The following FARS2 variants were observed in gnomAD, a reference collection of about 807,000 sequenced individuals.
The protein encoded by FARS2 is phenylalanine--tRNA ligase, mitochondrial.
A neutral mutation model predicts 46.4 loss-of-function variants in FARS2; 40 were observed. That is an observed-to-expected ratio of 0.86 (90% CI 0.67 to 1.12). FARS2 has a LOEUF of 1.12. Ranked by LOEUF, FARS2 falls within the 50% of genes most tolerant of loss-of-function variation. FARS2 has a pLI of 0.00. For missense variants in FARS2, 513 were observed against 567.9 expected (o/e 0.90, Z 0.98); for synonymous variants, 234 against 214.9 (o/e 1.09, Z -0.78).
intron 4 of FARS2, among the ~76,000 whole-genome samples, chr6:5,445,318 T>G (rs1461893212): frequency 6.6e-6 from 1 of 152,230 alleles, no homozygotes; most frequent in Non-Finnish European, 1.5e-5. Flanking sequence ...GTGGCTCAGT[T>G]TTATTTTCTC....
At chr6:5,450,202 G>A (rs749906415) in intron 4 of FARS2, among the ~76,000 whole-genome samples, 4 of 152,136 alleles carry the variant, frequency 2.6e-5, no homozygotes, top group Non-Finnish European at 5.9e-5. Context: ...AGGTAAATGT[G>A]TAATGTCAGT....
intron 6 of FARS2, among the ~76,000 whole-genome samples, chr6:5,733,180 T>C (rs1292899929): frequency 6.6e-6 from 1 of 152,238 alleles, no homozygotes; most frequent in East Asian, 1.9e-4. Flanking sequence ...GAGAAGCAAT[T>C]GCTGTATAGA....
chr6:5,752,164 C>T (rs182108636), intron 6 of FARS2, among the ~76,000 whole-genome samples: 24 of 152,324 alleles, frequency 1.6e-4, no homozygotes, highest in East Asian at 9.6e-4. Flanking sequence ...GGGTGTCCAG[C>T]GCTCTGTTTC....
chr6:5,428,408 T>C (rs1024083767), intron 3 of FARS2, among the ~76,000 whole-genome samples: 1 of 152,222 alleles, frequency 6.6e-6, no homozygotes, highest in Admixed American at 6.5e-5. Context: ...ATAAAATTAA[T>C]TATATTTAAT....
At chr6:5,254,129 A>T in the FARS2 span, among the ~76,000 whole-genome samples, 2 of 152,168 alleles carry the variant, frequency 1.3e-5, no homozygotes, top group Non-Finnish European at 2.9e-5. Flanking sequence ...TGCACTGAAA[A>T]CGGCAATGCC....
intron 5 of FARS2, among the ~76,000 whole-genome samples, chr6:5,549,558 C>G (rs1771249291): frequency 6.6e-6 from 1 of 152,164 alleles, no homozygotes; most frequent in Non-Finnish European, 1.5e-5. Flanking sequence ...ATTGCCTTCT[C>G]TTTGACCTTT....
intron 2 of FARS2, among the ~76,000 whole-genome samples, chr6:5,375,080 T>C (rs1759292960): frequency 6.6e-6 from 1 of 152,022 alleles, no homozygotes; most frequent in Non-Finnish European, 1.5e-5. Flanking sequence ...TTCTAGCTTA[T>C]GCAGTAAGCC....
chr6:5,608,213 G>A (rs757967102), intron 5 of FARS2, among the ~76,000 whole-genome samples: 11 of 152,122 alleles, frequency 7.2e-5, no homozygotes, highest in Non-Finnish European at 1.3e-4. Flanking sequence ...GAGTGTTACA[G>A]GAGTGTTTAC....
intron 5 of FARS2, among the ~76,000 whole-genome samples, chr6:5,558,787 G>A (rs1228222558): frequency 1.3e-5 from 2 of 151,830 alleles, no homozygotes; most frequent in African/African-American, 2.4e-5. Context: ...TCCTGACCTC[G>A]TGATCCACCC....
At chr6:5,632,913 T>C (rs1187113494) in intron 6 of FARS2, among the ~76,000 whole-genome samples, 1 of 151,510 alleles carries the variant, frequency 6.6e-6, no homozygotes, top group East Asian at 2.0e-4. Flanking sequence ...CATTGCCTCC[T>C]AACCTCTCGA....
At chr6:5,284,119 T>C (rs1766949010) in intron 1 of FARS2, among the ~76,000 whole-genome samples, 1 of 152,246 alleles carries the variant, frequency 6.6e-6, no homozygotes, top group South Asian at 2.1e-4. Flanking sequence ...AATTGTCATT[T>C]CAATTTGCAT....
intron 1 of FARS2, among the ~76,000 whole-genome samples, chr6:5,345,729 A>G (rs1757187445): frequency 6.6e-6 from 1 of 152,170 alleles, no homozygotes; most frequent in South Asian, 2.1e-4. Context: ...CCTTTCCACC[A>G]TTCTCCCATT....
In FARS2 at chr6:5,341,032, C is replaced by T. The variant is rs9504380; in HGVS notation, c.-21-27518C>T. Among the ~76,000 whole-genome samples the T allele has an allele frequency of 9.4e-4, 142 of 150,634 alleles. 1 individual carries two copies. Among genetic ancestry groups the T allele is most frequent in the African/African-American group, 3.3e-3 (137 of 41,062 alleles). ...GCATGGTGACGTGCGCCTGTAATCC[C>T]AGCTACTCAGGAGGCTGAGGCAGGA... On this transcript the variant is annotated intron_variant, in intron 1 of 6. Transcript: ENST00000274680.
intron 4 of FARS2, among the ~76,000 whole-genome samples, chr6:5,447,880 G>T (rs183221): frequency 0.85 from 129,657 of 152,236 alleles, 55,421 homozygotes; most frequent in East Asian, 0.96. Flanking sequence ...AGCAGATATG[G>T]TATCAGGCTT....
chr6:5,283,322 G>A (rs1766870849), intron 1 of FARS2, among the ~76,000 whole-genome samples: 1 of 147,936 alleles, frequency 6.8e-6, no homozygotes, highest in African/African-American at 2.5e-5. Context: ...GCAGTGAGCT[G>A]AGATTGTGCC....
intron 6 of FARS2, among the ~76,000 whole-genome samples, chr6:5,645,539 T>C (rs966265159): frequency 1.3e-5 from 2 of 152,192 alleles, no homozygotes; most frequent in Non-Finnish European, 2.9e-5. Flanking sequence ...AGAGCAGATG[T>C]GCCTTTTGTT....
intron 5 of FARS2, among the ~76,000 whole-genome samples, chr6:5,576,326 A>G (rs1772960627): frequency 6.6e-6 from 1 of 152,006 alleles, no homozygotes; most frequent in South Asian, 2.1e-4. Flanking sequence ...CAGCATGGCT[A>G]TAATATAAAG....
At chr6:5,710,750 C>T (rs1397342788) in intron 6 of FARS2, among the ~76,000 whole-genome samples, 3 of 152,190 alleles carry the variant, frequency 2.0e-5, no homozygotes, top group Admixed American at 6.5e-5. Flanking sequence ...CCCTGGTCCT[C>T]GGCTGGGCAC....
intron 6 of FARS2, among the ~76,000 whole-genome samples, chr6:5,766,220 C>T (rs17141252): frequency 0.21 from 32,001 of 152,210 alleles, 5,026 homozygotes; most frequent in African/African-American, 0.44. Context: ...TCGGGGCAGG[C>T]TTCTTGTCCT....
Sources: gnomAD v4.1 joint callset for allele counts (sites outside exome capture counted in the v4.1 genomes callset) on GRCh38, gnomAD v4.1.1 for gene constraint, MANE v1.5 for transcripts, NCBI Gene and HGNC (gene_info 2026-07-23, HGNC 2026-07-21) for gene names.